Variants in CHRNA10 observed in about 807,000 individuals in gnomAD.
The protein encoded by CHRNA10 is cholinergic receptor nicotinic alpha 10 subunit.
A neutral mutation model predicts 36.0 loss-of-function variants in CHRNA10; 31 were observed. That is an observed-to-expected ratio of 0.86 (90% CI 0.65 to 1.16). The LOEUF (loss-of-function observed/expected upper bound fraction) is 1.16, where lower values mean the gene tolerates loss of function less well. Among genes scored for constraint, CHRNA10 ranks in the 50% most tolerant of loss-of-function variants. The probability of loss-of-function intolerance (pLI) is 0.00; values close to 1 mark genes in which losing one functional copy is unlikely to be tolerated. For synonymous variants in CHRNA10, 302 were observed against 287.0 expected, an observed-to-expected ratio of 1.05 and a Z score of -0.53; for missense variants, 648 against 640.9, an observed-to-expected ratio of 1.01 and a Z score of -0.12.
chr11:3,670,471 C>A (rs2077705624), intron 1 of CHRNA10, among the ~76,000 whole-genome samples: 2 of 152,132 alleles, frequency 1.3e-5, no homozygotes, highest in South Asian at 4.1e-4. Context: ...CTGTCCTTGG[C>A]TCCCATCTTT....
At chr11:3,670,454 A>G (rs1456722253) in intron 1 of CHRNA10, among the ~76,000 whole-genome samples, 1 of 152,184 alleles carries the variant, frequency 6.6e-6, no homozygotes, top group Non-Finnish European at 1.5e-5. Context: ...CATTGTTCCC[A>G]TGAATCCTGT....
rs183908493 is a variant in CHRNA10, at chr11:3,666,570, A to T, written c.896-6T>A. 5.6e-5 allele frequency: 85 copies of T among 1,515,502 alleles called. No homozygotes were observed. The Middle Eastern group carries it at 1.4e-3, about 25-fold the overall frequency. The allele number at this position is 1,515,502 out of a possible 1,614,324, so 93.9% of individuals were successfully genotyped here. A position where few individuals can be genotyped will look rare whatever the true frequency, so the allele number is the denominator to read the frequency against. On this transcript the variant is annotated splice_region_variant and splice_polypyrimidine_tract_variant and intron_variant, in intron 4 of 4. Transcript: ENST00000250699. ...AGTGGCCATGTAGTACTTCCCTGCA[A>T]GAGAGAGAGAAAGCCAATTGACTCA...
intron 3 of CHRNA10, chr11:3,668,907 C>T (rs1045460142): frequency 3.3e-5 from 10 of 299,922 alleles, no homozygotes; most frequent in Non-Finnish European, 4.9e-5. Flanking sequence ...CCCTGAGAGA[C>T]TTAGAGCTAA....
chr11:3,667,348 AGGTGGAAGGCGAGC>A lies in CHRNA10; in HGVS notation c.765_778del (p.Leu256AlafsTer77). Reference sequence around the variant, plus strand: ...CACCTTCTCGCCTGAGTCGGCAGGCAGGTGGAAGGCGAGCGGCGCAAGCAGCGAGATGAGCACGC... The same window carrying A: ...CACCTTCTCGCCTGAGTCGGCAGGCAGGCGCAAGCAGCGAGATGAGCACGC... On this transcript the variant is annotated frameshift_variant, in exon 4 of 5. Transcript: ENST00000250699. LOFTEE classifies it high-confidence loss of function. 1.9e-6 allele frequency: 3 copies of A among 1,601,304 alleles called. No homozygotes were observed. Among genetic ancestry groups the A allele is most frequent in the Non-Finnish European group, 2.5e-6 (3 of 1,178,652 alleles).
In CHRNA10 at chr11:3,667,353, G is replaced by C; in HGVS notation, c.774C>G (p.Phe258Leu). Residue 258 changes from phenylalanine (F) to leucine (L), a missense_variant, in exon 4 of 5, where the codon TTC becomes TTG. Phe to Leu is a conservative substitution (Grantham distance 22). Coordinates refer to ENST00000250699, the MANE Select transcript of CHRNA10 (RefSeq NM_020402.4). ...TCTCGCCTGAGTCGGCAGGCAGGTG[G>C]AAGGCGAGCGGCGCAAGCAGCGAGA... ...VLISLLAPLAFHLPADSGEKV... is the reference protein window; with the variant it reads ...VLISLLAPLALHLPADSGEKV... The C allele has an allele frequency of 6.2e-7, 1 of 1,601,288 alleles. No homozygotes were observed. Among genetic ancestry groups the C allele is most frequent in the Non-Finnish European group, 8.5e-7 (1 of 1,178,662 alleles).
At chr11:3,668,774 A>G (rs879012301) in intron 3 of CHRNA10, 1 of 154,468 alleles carries the variant, frequency 6.5e-6, no homozygotes, top group Admixed American at 6.5e-5. Flanking sequence ...GAAGGGCCCC[A>G]GAGAAAATAT....
intron 2 of CHRNA10, 180 bp downstream of exon 2, chr11:3,669,616 G>A: frequency 1.2e-6 from 1 of 856,392 alleles, no homozygotes; most frequent in Non-Finnish European, 1.9e-6. Flanking sequence ...TGGGCACGAG[G>A]TAGGCACCCA....
chr11:3,669,688 C>T, intron 2 of CHRNA10, 108 bp downstream of exon 2: 1 of 1,441,044 alleles, frequency 6.9e-7, no homozygotes, highest in Non-Finnish European at 9.8e-7. Context: ...TTAATATTAA[C>T]ATTTACAGAA....
chr11:3,665,785 T>G lies in CHRNA10; in HGVS notation c.*322A>C. ...TGCAGCAGTACAGTTCAGTTTCTCA[T>G]TATAACCCATGTGCTCCCCACTGAG... On this transcript the variant is annotated 3_prime_UTR_variant, in exon 5 of 5. Coordinates refer to ENST00000250699, the MANE Select transcript of CHRNA10 (RefSeq NM_020402.4). 1 of 244,806 alleles carries G rather than the reference T, an allele frequency of 4.1e-6. No homozygotes were observed. Among genetic ancestry groups the G allele is most frequent in the Non-Finnish European group, 7.8e-6 (1 of 127,842 alleles). The allele number at this position is 244,806 out of a possible 1,614,324, so 15.2% of individuals were successfully genotyped here.
At position 3,669,886 on chromosome 11, in the gene CHRNA10, G is replaced by A; in HGVS notation, c.117C>T (p.Ala39=). 1.9e-6 allele frequency: 3 copies of A among 1,614,110 alleles called. No homozygotes were observed. The highest frequency in any genetic ancestry group is 2.5e-6 in the Non-Finnish European group (3 of 1,180,016). The change falls in exon 2 of 5, where the codon GCC becomes GCT. Residue 39 remains alanine (A), a synonymous_variant. Transcript: ENST00000250699. The part of the protein sequence containing the change: ...LALKLFRDLF[A]NYTSALRPVA... ...CAGGTCTCAGGGCACTTGTGTAGTT[G>A]GCAAAGAGGTCACGGAACAGCTTGA...
chr11:3,669,390 A>G (rs770167727), intron 2 of CHRNA10, 40 bp from the exon 3 acceptor site: 2 of 1,600,266 alleles, frequency 1.2e-6, no homozygotes, highest in South Asian at 2.3e-5. Flanking sequence ...GGACATGTAT[A>G]TGCATATCCT....
chr11:3,667,669 G>T lies in CHRNA10; in HGVS notation c.458C>A (p.Ser153Ter), dbSNP rs748015833. Residue 153 changes from serine to a stop codon, truncating the protein, a stop_gained, in exon 4 of 5, where the codon TCG becomes TAG. Transcript: ENST00000250699. LOFTEE classifies it high-confidence loss of function. Reference protein sequence around the residue: ...RWDAPAITRSSCRVDVAAFPF... With the variant: ...RWDAPAITRS ...GAAGGCTGCTACATCCACGCGGCAC[G>T]AGCTGCGCGTGATGGCCGGCGCGTC... The T allele has an allele frequency of 5.8e-6, 9 of 1,563,798 alleles. No individual in the cohort carries two copies. The highest frequency in any genetic ancestry group is 2.4e-5 in the East Asian group (1 of 42,448).
At position 3,671,381 on chromosome 11, in the gene CHRNA10, A is replaced by G; in HGVS notation, c.-69T>C. ...GCCTCCTGGCCAGACCTAGGGCAAA[A>G]TTAGGCCCAGCTGGCAAGGATGGTG... On this transcript the variant is annotated 5_prime_UTR_variant, in exon 1 of 5. Coordinates refer to ENST00000250699, the MANE Select transcript of CHRNA10 (RefSeq NM_020402.4). 1 of 1,506,436 alleles carries G rather than the reference A, an allele frequency of 6.6e-7. No individual in the cohort carries two copies. Among genetic ancestry groups the G allele is most frequent in the South Asian group, 1.1e-5 (1 of 88,346 alleles). The allele number at this position is 1,506,436 out of a possible 1,614,324, so 93.3% of individuals were successfully genotyped here. A position where few individuals can be genotyped will look rare whatever the true frequency, so the allele number is the denominator to read the frequency against.
At position 3,667,573 on chromosome 11, in the gene CHRNA10, C is replaced by T. The variant is rs182159148; in HGVS notation, c.554G>A (p.Arg185Gln). 9.9e-5 allele frequency: 154 copies of T among 1,558,062 alleles called. No individual in the cohort carries two copies. The Middle Eastern group carries it at 1.5e-3, about 16-fold the overall frequency. The stretch of plus-strand genomic sequence containing the variant: ...CAGGCTGGCTGCAGCGCCGCGCGGC[C>T]GCACATCCAGTTGGTGCCCGCCGTG... ...WTHGGHQLDVRPRGAAASLAD... is the reference protein window; with the variant it reads ...WTHGGHQLDVQPRGAAASLAD... The change falls in exon 4 of 5, where the codon CGG (arginine) becomes CAG (glutamine). Residue 185 changes from arginine (R) to glutamine (Q), a missense_variant. Transcript: ENST00000250699.
rs751528589 is a variant in CHRNA10 at position 3,669,250 on chromosome 11, G to A, written c.308C>T (p.Ala103Val). The A allele has an allele frequency of 1.2e-6, 2 of 1,613,964 alleles. No individual in the cohort carries two copies. The highest frequency in any genetic ancestry group is 2.7e-5 in the African/African-American group (2 of 74,912). Residue 103 changes from alanine (A) to valine (V), a missense_variant, in exon 3 of 5, where the codon GCC becomes GTC. Transcript: ENST00000250699. ...WDPNAYGGLD[A>V]IRIPSSLVWR... ...CACAAGACTGCTGGGGATGCGGATG[G>A]CATCCAGGCCACCATAGGCATTGGG...
chr11:3,669,620 G>T, intron 2 of CHRNA10, 176 bp downstream of exon 2: 2 of 872,680 alleles, frequency 2.3e-6, no homozygotes, highest in Non-Finnish European at 3.7e-6. Flanking sequence ...CACGAGGTAG[G>T]CACCCAATAC....
intron 3 of CHRNA10, among the ~76,000 whole-genome samples, chr11:3,668,206 C>G (rs756089209): frequency 1.3e-5 from 2 of 152,216 alleles, no homozygotes; most frequent in Admixed American, 1.3e-4. Flanking sequence ...ATGATGGGTA[C>G]AGCAGATTAA....
Position 3,669,786 on chromosome 11 carries a change from C to G in CHRNA10, c.207+10G>C. On this transcript the variant is annotated intron_variant, in intron 2 of 4. Transcript: ENST00000250699. Reference sequence around the variant, plus strand: ...TAAGACTCCACAGCTGTACCACCACCACAACGCACCATGTCGATGATCTGG... The same window carrying G: ...TAAGACTCCACAGCTGTACCACCACGACAACGCACCATGTCGATGATCTGG... 6.2e-7 allele frequency: 1 copy of G among 1,614,130 alleles called. No homozygotes were observed. Among genetic ancestry groups the G allele is most frequent in the Non-Finnish European group, 8.5e-7 (1 of 1,179,978 alleles).
intron 4 of CHRNA10, 95 bp from the exon 5 acceptor site, chr11:3,666,659 A>G (rs2077664916): frequency 1.0e-6 from 1 of 965,098 alleles, no homozygotes; most frequent in Non-Finnish European, 1.5e-6. Flanking sequence ...TAAGCCCACC[A>G]TGAAGCTCTC....
Sources: gnomAD v4.1 joint callset for allele counts (sites outside exome capture counted in the v4.1 genomes callset) on GRCh38, gnomAD v4.1.1 for gene constraint, MANE v1.5 for transcripts, NCBI Gene and HGNC (gene_info 2026-07-23, HGNC 2026-07-21) for gene names.